PTPRD: variants seen among roughly 807,000 people sequenced by gnomAD.
PTPRD encodes protein tyrosine phosphatase receptor type D, also known as receptor-type tyrosine-protein phosphatase delta.
PTPRD carries 34 observed loss-of-function variants against 214.5 expected under a neutral mutation model. The observed-to-expected ratio is 0.16, with a 90% CI of 0.12 to 0.21. The LOEUF (loss-of-function observed/expected upper bound fraction) is 0.21, where lower values mean the gene tolerates loss of function less well. Among genes scored for constraint, PTPRD ranks in the 10% least tolerant of loss-of-function variants. PTPRD has a pLI of 1.00. For missense variants in PTPRD, 2,545 were observed against 2,398.7 expected, an observed-to-expected ratio of 1.06 and a Z score of -1.27; for synonymous variants, 1,128 against 845.7, an observed-to-expected ratio of 1.33 and a Z score of -5.79.
intron 3 of PTPRD, among the ~76,000 whole-genome samples, chr9:10,212,884 A>G (rs1332360407): frequency 6.6e-6 from 1 of 152,166 alleles, no homozygotes; most frequent in African/African-American, 2.4e-5. Flanking sequence ...CTATTAAGGA[A>G]TTCCGGCAGA....
chr9:8,771,614 A>G (rs978528144), intron 11 of PTPRD, among the ~76,000 whole-genome samples: 1 of 152,210 alleles, frequency 6.6e-6, no homozygotes, highest in African/African-American at 2.4e-5. Flanking sequence ...GAGTGGAAAT[A>G]GGTATTGGAT....
intron 9 of PTPRD, among the ~76,000 whole-genome samples, chr9:9,225,385 G>A (rs150575478): frequency 5.3e-4 from 80 of 152,034 alleles, no homozygotes; most frequent in African/African-American, 6.0e-4. Flanking sequence ...ACCAACCATC[G>A]TAAGAAATAT....
intron 35 of PTPRD, among the ~76,000 whole-genome samples, chr9:8,429,720 T>C (rs2094919863): frequency 6.6e-6 from 1 of 152,046 alleles, no homozygotes; most frequent in African/African-American, 2.4e-5. Context: ...GTGGGAGACA[T>C]GTGAGCACTG....
intron 4 of PTPRD, among the ~76,000 whole-genome samples, chr9:9,939,263 T>C (rs1003835762): frequency 6.6e-6 from 1 of 152,156 alleles, no homozygotes; most frequent in Non-Finnish European, 1.5e-5. Context: ...ATGTGCCAGG[T>C]AGGGTCTTGT....
chr9:9,462,129 A>G (rs955246147), intron 8 of PTPRD, among the ~76,000 whole-genome samples: 5 of 152,144 alleles, frequency 3.3e-5, no homozygotes, highest in African/African-American at 1.2e-4. Context: ...TCGACTCACA[A>G]TAAATATCTG....
At chr9:9,548,231 T>C (rs566832566) in intron 8 of PTPRD, among the ~76,000 whole-genome samples, 1 of 149,540 alleles carries the variant, frequency 6.7e-6, no homozygotes, top group Non-Finnish European at 1.5e-5. Context: ...ATAATAAAAG[T>C]GACTAATAGA....
chr9:9,789,923 A>G (rs1419890225), intron 5 of PTPRD, among the ~76,000 whole-genome samples: 1 of 152,096 alleles, frequency 6.6e-6, no homozygotes, highest in Non-Finnish European at 1.5e-5. Context: ...GATGAACTTC[A>G]ATTATATTCA....
intron 9 of PTPRD, among the ~76,000 whole-genome samples, chr9:9,368,070 G>T (rs1217423043): frequency 6.6e-6 from 1 of 151,628 alleles, no homozygotes; most frequent in East Asian, 2.0e-4. Context: ...ACTCAATATG[G>T]ATCCCATTTC....
intron 3 of PTPRD, among the ~76,000 whole-genome samples, chr9:10,035,839 C>T (rs538594204): frequency 1.0e-3 from 154 of 151,646 alleles, no homozygotes; most frequent in African/African-American, 3.6e-3. Context: ...AAAAAATAGG[C>T]ATGAAAAGAT....
chr9:8,738,473 G>A (rs919142385), intron 11 of PTPRD, among the ~76,000 whole-genome samples: 17 of 151,862 alleles, frequency 1.1e-4, no homozygotes, highest in African/African-American at 3.9e-4. Flanking sequence ...CAGATTATAG[G>A]CTTTGTATGG....
intron 2 of PTPRD, among the ~76,000 whole-genome samples, chr9:10,494,434 G>T (rs907930421): frequency 6.6e-6 from 1 of 151,688 alleles, no homozygotes; most frequent in Non-Finnish European, 1.5e-5. Context: ...CATTTTAACA[G>T]TATTGGCCTC....
At chr9:10,382,037 T>A (rs1164328128) in intron 2 of PTPRD, among the ~76,000 whole-genome samples, 1 of 151,936 alleles carries the variant, frequency 6.6e-6, no homozygotes, top group Non-Finnish European at 1.5e-5. Context: ...ACATCTTACT[T>A]CTTATTCTTC....
At position 9,917,857 on chromosome 9, in the gene PTPRD, A is replaced by C. The variant is rs556699566; in HGVS notation, c.-368+20650T>G. ...ACAAAAGCCATTTATCAATACATACATTTGACACTAACATCCTTTAATGAT... is the reference window on the plus strand; with the variant it reads ...ACAAAAGCCATTTATCAATACATACCTTTGACACTAACATCCTTTAATGAT... On this transcript the variant is annotated intron_variant, in intron 5 of 45. Coordinates refer to ENST00000381196, the MANE Select transcript of PTPRD (RefSeq NM_002839.4). 2.4e-3 allele frequency among the ~76,000 whole-genome samples: 365 copies of C among 152,162 alleles called. 2 individuals are homozygous for C. The highest frequency in any genetic ancestry group is 8.2e-3 in the African/African-American group (342 of 41,574).
rs138112764 is a variant in PTPRD, at chr9:8,927,721, C to A, written c.-104+90976G>T. On this transcript the variant is annotated intron_variant, in intron 11 of 45. Coordinates refer to ENST00000381196, the MANE Select transcript of PTPRD (RefSeq NM_002839.4). ...GATTTATAATCCTTTGGGTATATAC[C>A]CAGAAATGGGATTGCTGGGTCAAAT... 5.5e-3 allele frequency among the ~76,000 whole-genome samples: 832 copies of A among 152,146 alleles called. 7 individuals are homozygous for A. Among genetic ancestry groups the A allele is most frequent in the African/African-American group, 0.019 (782 of 41,490 alleles).
intron 5 of PTPRD, among the ~76,000 whole-genome samples, chr9:9,857,581 A>G (rs1306882012): frequency 1.3e-5 from 2 of 152,112 alleles, no homozygotes; most frequent in Non-Finnish European, 2.9e-5. Context: ...AATAAATAAA[A>G]TCATGGAGTC....
At chr9:9,207,102 T>C (rs1426015817) in intron 9 of PTPRD, among the ~76,000 whole-genome samples, 2 of 152,106 alleles carry the variant, frequency 1.3e-5, no homozygotes, top group African/African-American at 4.8e-5. Context: ...ATGGAGTCCA[T>C]GTGGTGACTG....
chr9:8,724,581 A>G (rs1290257645), intron 12 of PTPRD, among the ~76,000 whole-genome samples: 3 of 152,164 alleles, frequency 2.0e-5, no homozygotes, highest in Non-Finnish European at 4.4e-5. Flanking sequence ...CCTGCAGTTC[A>G]TAGAATAAAA....
chr9:8,911,639 C>T (rs2098749301), intron 11 of PTPRD, among the ~76,000 whole-genome samples: 1 of 151,942 alleles, frequency 6.6e-6, no homozygotes, highest in Non-Finnish European at 1.5e-5. Flanking sequence ...ATGCCAAAAA[C>T]ATGATCCATA....
chr9:8,465,454 T>A lies in PTPRD; in HGVS notation c.3714+12A>T. ...GTACCATAGGAAACAGATGCCATCA[T>A]AATTAACTTACAGACTCTGCATGTT... On this transcript the variant is annotated intron_variant, in intron 32 of 45. Coordinates refer to ENST00000381196, the MANE Select transcript of PTPRD (RefSeq NM_002839.4). The A allele has an allele frequency of 3.1e-6, 5 of 1,607,914 alleles. No individual in the cohort carries two copies. Among genetic ancestry groups the A allele is most frequent in the Non-Finnish European group, 4.3e-6 (5 of 1,175,472 alleles).
Sources: gnomAD v4.1 joint callset for allele counts (sites outside exome capture counted in the v4.1 genomes callset) on GRCh38, gnomAD v4.1.1 for gene constraint, MANE v1.5 for transcripts, NCBI Gene and HGNC (gene_info 2026-07-23, HGNC 2026-07-21) for gene names.